The following SRGAP2 variants were observed in gnomAD, a reference collection of about 807,000 sequenced individuals.
SRGAP2 encodes the protein SLIT-ROBO Rho GTPase-activating protein 2.
Under a neutral mutation model 57.2 loss-of-function variants are expected in SRGAP2, and 15 were observed. The ratio of observed to expected loss-of-function variants is 0.26; its 90% CI spans 0.18 to 0.40. The LOEUF is 0.40. SRGAP2 is among the 10% of genes least tolerant of loss of function. The pLI, the probability that SRGAP2 is intolerant of heterozygous loss-of-function variation, is 1.00. For synonymous variants in SRGAP2, 249 were observed against 248.0 expected (o/e 1.00, Z -0.04); for missense variants, 520 against 669.6 (o/e 0.78, Z 2.47).
intron 4 of SRGAP2, among the ~76,000 whole-genome samples, chr1:206,358,156 T>A (rs1274578897): frequency 6.6e-6 from 1 of 152,162 alleles, no homozygotes; most frequent in African/African-American, 2.4e-5. Flanking sequence ...GGGCCCTGGC[T>A]GGCTCAGTGG....
At chr1:206,208,701 AATT>A (rs1553301799) in intron 2 of SRGAP2, among the ~76,000 whole-genome samples, 1 of 152,186 alleles carries the variant, frequency 6.6e-6, no homozygotes, top group African/African-American at 2.4e-5. Context: ...CCTGGGTCAG[AATT>A]ATTATGAGTG....
chr1:206,334,353 A>G (rs543735111), intron 3 of SRGAP2, among the ~76,000 whole-genome samples: 2 of 151,082 alleles, frequency 1.3e-5, no homozygotes, highest in South Asian at 2.1e-4. Flanking sequence ...TAAATATCCA[A>G]ATAACACATG....
chr1:206,206,309 C>T, intron 2 of SRGAP2: 1 of 447,958 alleles, frequency 2.2e-6, no homozygotes, highest in Non-Finnish European at 4.0e-6. Flanking sequence ...CCAAGCCGGA[C>T]AGGGTGGGGG....
chr1:206,359,554 A>C (rs2102986175), intron 4 of SRGAP2, among the ~76,000 whole-genome samples: 1 of 78,724 alleles, frequency 1.3e-5, no homozygotes, highest in African/African-American at 5.4e-5. Context: ...AGGTGGGAGG[A>C]GGTCATTCAA....
At chr1:206,383,206 G>C (rs1655872836) in intron 4 of SRGAP2, among the ~76,000 whole-genome samples, 1 of 148,460 alleles carries the variant, frequency 6.7e-6, no homozygotes, top group African/African-American at 2.6e-5. Context: ...TGTATTTTTA[G>C]TAGAGATGGG....
At chr1:206,426,618 C>T (rs781960241) in intron 13 of SRGAP2, among the ~76,000 whole-genome samples, 3 of 152,216 alleles carry the variant, frequency 2.0e-5, no homozygotes, top group African/African-American at 7.2e-5. Context: ...ATTCCCCTTT[C>T]TCTGCATCCT....
intron 4 of SRGAP2, among the ~76,000 whole-genome samples, chr1:206,378,397 G>A (rs1344883723): frequency 1.3e-5 from 2 of 152,010 alleles, no homozygotes; most frequent in African/African-American, 4.8e-5. Flanking sequence ...GGAGGATCAC[G>A]TGACAGTTGA....
chr1:206,336,027 G>T (rs1358067491), intron 3 of SRGAP2, among the ~76,000 whole-genome samples: 6 of 151,814 alleles, frequency 4.0e-5, no homozygotes, highest in Admixed American at 3.9e-4. Context: ...CAGACATGGT[G>T]CTAGTCCAGT....
chr1:206,417,010 C>T (rs1368433517), intron 11 of SRGAP2, among the ~76,000 whole-genome samples: 7 of 152,136 alleles, frequency 4.6e-5, no homozygotes, highest in African/African-American at 1.7e-4. Flanking sequence ...TATACCAGAA[C>T]CTCCTACCCA....
At chr1:206,291,301 C>A (rs2102717900) in intron 2 of SRGAP2, among the ~76,000 whole-genome samples, 1 of 152,218 alleles carries the variant, frequency 6.6e-6, no homozygotes, top group South Asian at 2.1e-4. Context: ...TCTCTCTGAA[C>A]CTCAGTGGTC....
chr1:206,241,806 G>C (rs1439952470), intron 2 of SRGAP2, among the ~76,000 whole-genome samples: 1 of 151,546 alleles, frequency 6.6e-6, no homozygotes, highest in African/African-American at 2.4e-5. Context: ...CTTGAGGCTA[G>C]TTTTGTACCT....
intron 5 of SRGAP2, among the ~76,000 whole-genome samples, chr1:206,385,737 G>A (rs1282523942): frequency 2.0e-5 from 3 of 152,064 alleles, no homozygotes; most frequent in Non-Finnish European, 2.9e-5. Context: ...TCTCTGGTCT[G>A]CAGAGGGCCG....
chr1:206,228,523 T>C (rs1667419160), intron 2 of SRGAP2, among the ~76,000 whole-genome samples: 2 of 152,122 alleles, frequency 1.3e-5, no homozygotes, highest in Non-Finnish European at 2.9e-5. Context: ...CATTGCTGTT[T>C]AACAGTGTTG....
intron 13 of SRGAP2, among the ~76,000 whole-genome samples, chr1:206,428,736 C>T (rs1661029499): frequency 1.3e-5 from 2 of 152,252 alleles, no homozygotes; most frequent in African/African-American, 2.4e-5. Context: ...GATCTTGGCT[C>T]AGTGCAACCT....
At chr1:206,453,890 G>A (rs1427618037) in intron 20 of SRGAP2, 13 of 455,098 alleles carry the variant, frequency 2.9e-5, no homozygotes, top group East Asian at 1.0e-4. Flanking sequence ...TCATTTAACC[G>A]AGATGAGGTT....
At chr1:206,224,353 T>C (rs1553305162) in intron 2 of SRGAP2, among the ~76,000 whole-genome samples, 1 of 149,680 alleles carries the variant, frequency 6.7e-6, no homozygotes, top group African/African-American at 2.5e-5. Context: ...GTCTAGAGCC[T>C]AGTCCTTATT....
rs186941953 is a variant in SRGAP2 at position 206,426,696 on chromosome 1, A to G, written c.1495-3466A>G. ...TTAATTGTGGTGAGATTATTTAAAAATTTGCATTTCTTATGATTAGTGACA... is the reference window on the plus strand; with the variant it reads ...TTAATTGTGGTGAGATTATTTAAAAGTTTGCATTTCTTATGATTAGTGACA... On this transcript the variant is annotated intron_variant, in intron 13 of 22. Coordinates refer to ENST00000573034, the MANE Select transcript of SRGAP2 (RefSeq NM_015326.5). 1.7e-3 allele frequency among the ~76,000 whole-genome samples: 258 copies of G among 152,232 alleles called. 1 individual carries two copies. Among genetic ancestry groups the G allele is most frequent in the African/African-American group, 5.7e-3 (237 of 41,546 alleles).
At chr1:206,253,645 G>A (rs1239163756) in intron 2 of SRGAP2, among the ~76,000 whole-genome samples, 9 of 129,604 alleles carry the variant, frequency 6.9e-5, no homozygotes, top group South Asian at 2.5e-4. Flanking sequence ...GCTAGATCTC[G>A]GCTCGCTGCA....
At chr1:206,281,972 C>G (rs1670767057) in intron 2 of SRGAP2, among the ~76,000 whole-genome samples, 22 of 148,560 alleles carry the variant, frequency 1.5e-4, no homozygotes, top group Non-Finnish European at 3.0e-5. Context: ...TTTGCTTTTA[C>G]ATTCTCATTG....
Sources: gnomAD v4.1 joint callset for allele counts (sites outside exome capture counted in the v4.1 genomes callset) on GRCh38, gnomAD v4.1.1 for gene constraint, MANE v1.5 for transcripts, NCBI Gene and HGNC (gene_info 2026-07-23, HGNC 2026-07-21) for gene names.